The following CEP128 variants were observed in gnomAD, a reference collection of about 807,000 sequenced individuals.
CEP128 encodes centrosomal protein 128kDa.
Under a neutral mutation model 156.7 loss-of-function variants are expected in CEP128, and 132 were observed. The observed-to-expected ratio is 0.84, with a 90% CI of 0.73 to 0.97. CEP128 has a LOEUF of 0.97. CEP128 is among the 50% of genes least tolerant of loss of function. CEP128 has a pLI of 0.00. For synonymous variants in CEP128, 469 were observed against 448.9 expected, an observed-to-expected ratio of 1.04 and a Z score of -0.57; for missense variants, 1,252 against 1,281.9, an observed-to-expected ratio of 0.98 and a Z score of 0.36.
chr14:80,682,970 T>C (rs1896380860), intron 19 of CEP128, among the ~76,000 whole-genome samples: 2 of 151,924 alleles, frequency 1.3e-5, no homozygotes, highest in East Asian at 3.9e-4. Flanking sequence ...AAAAGAATGA[T>C]AGCTAGTTGC....
At position 80,763,863 on chromosome 14, in the gene CEP128, G is replaced by C. The variant is rs186860900; in HGVS notation, c.2377-2250C>G. On this transcript the variant is annotated intron_variant, in intron 16 of 24. Transcript: ENST00000555265. The stretch of plus-strand genomic sequence containing the variant: ...CCTTGGAGGCTACTGAGGTGTCCTA[G>C]GAGGTTTCTCCCCACACGTACATAA... 8.1e-3 allele frequency among the ~76,000 whole-genome samples: 1,240 copies of C among 152,180 alleles called. 15 individuals carry two copies. Among genetic ancestry groups the C allele is most frequent in the Non-Finnish European group, 0.01 (684 of 67,996 alleles).
chr14:80,726,824 G>A (rs1313819201), intron 19 of CEP128, among the ~76,000 whole-genome samples: 1 of 152,176 alleles, frequency 6.6e-6, no homozygotes, highest in Non-Finnish European at 1.5e-5. Flanking sequence ...ATAGTTTAAT[G>A]AGTACATAAT....
intron 9 of CEP128, among the ~76,000 whole-genome samples, chr14:80,846,025 C>CT (rs1886582514): frequency 1.3e-5 from 2 of 152,164 alleles, no homozygotes; most frequent in Non-Finnish European, 2.9e-5. Flanking sequence ...TCATCATCGT[C>CT]ATAGCATTAA....
At chr14:80,870,493 A>G (rs1887972887) in intron 8 of CEP128, among the ~76,000 whole-genome samples, 1 of 152,100 alleles carries the variant, frequency 6.6e-6, no homozygotes, top group Non-Finnish European at 1.5e-5. Context: ...TAAAAATCAT[A>G]TGGTCTTCTC....
rs760249913 is a variant in CEP128 at position 80,618,183 on chromosome 14, G to A, written c.2807-37760C>T. On this transcript the variant is annotated intron_variant, in intron 19 of 24. Coordinates refer to ENST00000555265, the MANE Select transcript of CEP128 (RefSeq NM_152446.5). Reference sequence around the variant, plus strand: ...CAATACTTTTGCTTCAATTTTTTTCGTTCAATTACCTTTCCATCAATTTTA... The same window carrying A: ...CAATACTTTTGCTTCAATTTTTTTCATTCAATTACCTTTCCATCAATTTTA... 2.3e-4 allele frequency among the ~76,000 whole-genome samples: 35 copies of A among 151,918 alleles called. No individual in the cohort carries two copies. In the Middle Eastern group the frequency reaches 0.01, roughly 44 times the overall value.
At chr14:80,629,213 C>T (rs1893861537) in intron 19 of CEP128, among the ~76,000 whole-genome samples, 1 of 152,064 alleles carries the variant, frequency 6.6e-6, no homozygotes, top group South Asian at 2.1e-4. Flanking sequence ...GATTCTGATA[C>T]TAGAGATCAG....
chr14:80,853,898 T>A (rs1459338100), intron 9 of CEP128, among the ~76,000 whole-genome samples: 1 of 151,952 alleles, frequency 6.6e-6, no homozygotes, highest in Non-Finnish European at 1.5e-5. Context: ...AGAACCAATT[T>A]TTATTCAAAA....
In CEP128 at chr14:80,890,301, A is replaced by G. The variant is rs935211812; in HGVS notation, c.645+5417T>C. On this transcript the variant is annotated intron_variant, in intron 8 of 24. Transcript: ENST00000555265. ...GTGTATACCCAAAGAATTATAAATC[A>G]TTCTACTATAAAGACACATGCACAT... 3.5e-4 allele frequency among the ~76,000 whole-genome samples: 54 copies of G among 152,322 alleles called. 1 individual carries two copies. The highest frequency in any genetic ancestry group is 1.3e-3 in the African/African-American group (52 of 41,572).
intron 19 of CEP128, among the ~76,000 whole-genome samples, chr14:80,643,616 C>T (rs545487152): frequency 5.9e-5 from 9 of 151,908 alleles, no homozygotes; most frequent in African/African-American, 1.4e-4. Flanking sequence ...AGGCTCAGGC[C>T]GGAGAATCAC....
At chr14:80,939,013 C>A (rs1270484470) in intron 2 of CEP128, among the ~76,000 whole-genome samples, 2 of 152,114 alleles carry the variant, frequency 1.3e-5, no homozygotes, top group East Asian at 3.9e-4. Context: ...TCCAGAATCC[C>A]AAGCAAATTA....
At chr14:80,756,822 A>T (rs1899685099) in intron 18 of CEP128, 70 bp downstream of exon 18, 1 of 1,020,674 alleles carries the variant, frequency 9.8e-7, no homozygotes, top group Non-Finnish European at 1.5e-6. Flanking sequence ...CAAAATAAAT[A>T]GCTAAACCAA....
At position 80,530,379 on chromosome 14, in the gene CEP128, C is replaced by G. The variant is rs550417164; in HGVS notation, c.2958+430G>C. On this transcript the variant is annotated intron_variant, in intron 22 of 24. Coordinates refer to ENST00000555265, the MANE Select transcript of CEP128 (RefSeq NM_152446.5). Reference sequence around the variant, plus strand: ...CATGAAATATGAAATGTGAAATTTACGTGGATTTGAGTTCATATGTCATAG... The same window carrying G: ...CATGAAATATGAAATGTGAAATTTAGGTGGATTTGAGTTCATATGTCATAG... 2.0e-5 allele frequency among the ~76,000 whole-genome samples: 3 copies of G among 152,146 alleles called. 1 individual carries two copies. The highest frequency in any genetic ancestry group is 1.3e-4 in the Admixed American group (2 of 15,264).
chr14:80,484,701 C>T (rs1293604918), intron 14 of CEP128, among the ~76,000 whole-genome samples: 1 of 152,206 alleles, frequency 6.6e-6, no homozygotes, highest in East Asian at 1.9e-4. Context: ...GCTTTCAACA[C>T]TAGGGTTACA....
At chr14:80,764,247 C>T (rs1326486718) in intron 16 of CEP128, among the ~76,000 whole-genome samples, 2 of 152,128 alleles carry the variant, frequency 1.3e-5, no homozygotes, top group East Asian at 3.9e-4. Flanking sequence ...GCCTGTAATC[C>T]CAGCACTTTG....
intron 8 of CEP128, among the ~76,000 whole-genome samples, chr14:80,878,948 GCTAAGAATCCCCACT>G (rs1566688316): frequency 6.6e-6 from 1 of 152,188 alleles, no homozygotes; most frequent in Non-Finnish European, 1.5e-5. Context: ...GATCCTCTCA[GCTAAGAATCCCCACT>G]CTAAGGAAGA....
At chr14:80,802,546 G>A (rs1435102097) in intron 13 of CEP128, among the ~76,000 whole-genome samples, 1 of 150,612 alleles carries the variant, frequency 6.6e-6, no homozygotes, top group African/African-American at 2.4e-5. Context: ...GTTGGGGAGT[G>A]GGGGGTGAGG....
rs115081852 is a variant in CEP128, at chr14:80,779,504, T to C, written c.2212-1458A>G. On this transcript the variant is annotated intron_variant, in intron 15 of 24. Coordinates refer to ENST00000555265, the MANE Select transcript of CEP128 (RefSeq NM_152446.5). ...AGTAGAATGCTTTTACTTTTCTTTA[T>C]GTCCTAACAAAAGCATAGGTAAATA... Among the ~76,000 whole-genome samples, 808 of 152,348 alleles carry C rather than the reference T, an allele frequency of 5.3e-3. 14 individuals carry two copies. Among genetic ancestry groups the C allele is most frequent in the African/African-American group, 0.019 (777 of 41,586 alleles).
chr14:80,785,980 T>C (rs1050681733), intron 14 of CEP128, among the ~76,000 whole-genome samples: 3 of 152,014 alleles, frequency 2.0e-5, no homozygotes, highest in African/African-American at 4.8e-5. Context: ...AAAACAGAGA[T>C]GGAAAATAAT....
At position 80,722,921 on chromosome 14, in the gene CEP128, G is replaced by T. The variant is rs569293166; in HGVS notation, c.2806+20154C>A. Among the ~76,000 whole-genome samples, 6 of 150,452 alleles carry T rather than the reference G, an allele frequency of 4.0e-5. No homozygotes were observed. In the East Asian group the frequency reaches 1.2e-3, roughly 30 times the overall value. The stretch of plus-strand genomic sequence containing the variant: ...GGCTCACTGCAAGCTCCGCCTCCTG[G>T]GTTCACGCCATTCTCCTGCCTCAGC... On this transcript the variant is annotated intron_variant, in intron 19 of 24. Coordinates refer to ENST00000555265, the MANE Select transcript of CEP128 (RefSeq NM_152446.5).
Sources: gnomAD v4.1 joint callset for allele counts (sites outside exome capture counted in the v4.1 genomes callset) on GRCh38, gnomAD v4.1.1 for gene constraint, MANE v1.5 for transcripts, NCBI Gene and HGNC (gene_info 2026-07-23, HGNC 2026-07-21) for gene names.